The following SNTG1 variants were observed in gnomAD, a reference collection of about 807,000 sequenced individuals.
SNTG1 encodes syntrophin gamma 1, also known as gamma-1-syntrophin.
Under a neutral mutation model 74.7 loss-of-function variants are expected in SNTG1, and 39 were observed. The observed-to-expected ratio is 0.52, with a 90% CI of 0.40 to 0.68. The LOEUF (loss-of-function observed/expected upper bound fraction) is 0.68. Ranked by LOEUF, SNTG1 falls within the 30% of genes least tolerant of loss-of-function variation. The probability of loss-of-function intolerance (pLI) is 0.00; values close to 1 mark genes in which losing one functional copy is unlikely to be tolerated. For missense variants in SNTG1, 685 were observed against 609.5 expected (o/e 1.12, Z -1.30); for synonymous variants, 254 against 217.1 (o/e 1.17, Z -1.49).
chr8:49,954,257 G>T (rs1172867788), intron 1 of SNTG1, among the ~76,000 whole-genome samples: 3 of 152,190 alleles, frequency 2.0e-5, no homozygotes, highest in Non-Finnish European at 4.4e-5. Flanking sequence ...TTGTCTTAAA[G>T]TGTAGTAATT....
At chr8:50,495,177 C>A (rs577482779) in intron 8 of SNTG1, among the ~76,000 whole-genome samples, 1 of 151,918 alleles carries the variant, frequency 6.6e-6, no homozygotes, top group Admixed American at 6.6e-5. Flanking sequence ...TCATTTTAAA[C>A]GACATAAAAT....
chr8:50,135,295 C>T (rs2081436983), intron 1 of SNTG1, among the ~76,000 whole-genome samples: 1 of 152,148 alleles, frequency 6.6e-6, no homozygotes, highest in Non-Finnish European at 1.5e-5. Context: ...AAATCCTGAA[C>T]ATTCTTAACA....
At chr8:50,247,514 T>G (rs1309161169) in intron 2 of SNTG1, among the ~76,000 whole-genome samples, 1 of 152,082 alleles carries the variant, frequency 6.6e-6, no homozygotes, top group Non-Finnish European at 1.5e-5. Context: ...TATGAATAGA[T>G]TAAAAAAATT....
intron 8 of SNTG1, among the ~76,000 whole-genome samples, chr8:50,487,917 G>C (rs1387783000): frequency 1.3e-5 from 2 of 151,910 alleles, no homozygotes; most frequent in Non-Finnish European, 2.9e-5. Context: ...CTTATTCTGT[G>C]TTACCTCATA....
At chr8:50,735,802 C>A (rs141095899) in intron 17 of SNTG1, among the ~76,000 whole-genome samples, 3 of 151,730 alleles carry the variant, frequency 2.0e-5, no homozygotes, top group Non-Finnish European at 4.4e-5. Context: ...AGAAGAGCAC[C>A]ACAAGACACA....
At chr8:50,597,450 C>A (rs1235598979) in intron 13 of SNTG1, among the ~76,000 whole-genome samples, 1 of 149,130 alleles carries the variant, frequency 6.7e-6, no homozygotes, top group Admixed American at 6.7e-5. Flanking sequence ...GTTCTTTATT[C>A]ATTCATCTGT....
chr8:50,008,250 A>G (rs1027741505), intron 1 of SNTG1, among the ~76,000 whole-genome samples: 1 of 152,256 alleles, frequency 6.6e-6, no homozygotes, highest in African/African-American at 2.4e-5. Context: ...AGCTGACATC[A>G]CAAACATTAT....
At chr8:50,109,429 T>A (rs2080498797) in intron 1 of SNTG1, among the ~76,000 whole-genome samples, 1 of 152,114 alleles carries the variant, frequency 6.6e-6, no homozygotes, top group Non-Finnish European at 1.5e-5. Context: ...GTCCAGCACC[T>A]CAATGGAGAG....
chr8:50,668,835 A>G (rs765508607), intron 15 of SNTG1, among the ~76,000 whole-genome samples: 3 of 151,974 alleles, frequency 2.0e-5, no homozygotes, highest in Admixed American at 6.6e-5. Flanking sequence ...GCTATGTAGT[A>G]TTCCATGGTG....
intron 8 of SNTG1, among the ~76,000 whole-genome samples, chr8:50,477,038 A>G (rs969076245): frequency 6.6e-6 from 1 of 152,202 alleles, no homozygotes; most frequent in East Asian, 1.9e-4. Flanking sequence ...TGAAATACAT[A>G]TCTATGAGTC....
chr8:50,128,194 C>A (rs1226562644), intron 1 of SNTG1, among the ~76,000 whole-genome samples: 1 of 152,094 alleles, frequency 6.6e-6, no homozygotes, highest in African/African-American at 2.4e-5. Flanking sequence ...ATCCCAAGAT[C>A]GGTACTTATG....
At chr8:50,429,577 G>C (rs1400163433) in intron 4 of SNTG1, among the ~76,000 whole-genome samples, 1 of 152,076 alleles carries the variant, frequency 6.6e-6, no homozygotes, top group Non-Finnish European at 1.5e-5. Context: ...TTCAGGCAAT[G>C]GTTTTGTAAA....
intron 1 of SNTG1, among the ~76,000 whole-genome samples, chr8:49,970,608 C>A (rs955151561): frequency 2.0e-5 from 3 of 152,116 alleles, no homozygotes; most frequent in Admixed American, 2.0e-4. Flanking sequence ...TTTTATTTGT[C>A]CTCTATTCCA....
At chr8:50,508,001 T>G (rs1005397698) in intron 9 of SNTG1, among the ~76,000 whole-genome samples, 4 of 151,974 alleles carry the variant, frequency 2.6e-5, no homozygotes, top group African/African-American at 9.7e-5. Context: ...ATGTGCCATG[T>G]TGGTATGCTG....
At chr8:50,239,775 A>C (rs930253340) in intron 2 of SNTG1, among the ~76,000 whole-genome samples, 1 of 152,072 alleles carries the variant, frequency 6.6e-6, no homozygotes, top group Non-Finnish European at 1.5e-5. Flanking sequence ...TTAATTATTC[A>C]CTAGGTTTAC....
At chr8:50,058,317 A>G (rs1354302186) in intron 1 of SNTG1, among the ~76,000 whole-genome samples, 3 of 152,154 alleles carry the variant, frequency 2.0e-5, no homozygotes, top group Admixed American at 2.0e-4. Flanking sequence ...GACAGATGAG[A>G]TTGTTTTTAA....
intron 2 of SNTG1, among the ~76,000 whole-genome samples, chr8:50,241,312 A>G (rs1385289483): frequency 1.3e-5 from 2 of 152,226 alleles, no homozygotes; most frequent in Non-Finnish European, 2.9e-5. Flanking sequence ...AGAGAGTGTG[A>G]ATGGCAATGG....
chr8:50,689,987 G>T (rs1418805949), intron 15 of SNTG1, among the ~76,000 whole-genome samples: 1 of 152,186 alleles, frequency 6.6e-6, no homozygotes, highest in East Asian at 1.9e-4. Flanking sequence ...GAGGATGTAT[G>T]TGTCGAGGAA....
chr8:49,938,562 C>CTTTTG (rs1453127560), intron 1 of SNTG1, among the ~76,000 whole-genome samples: 8 of 27,730 alleles, frequency 2.9e-4, no homozygotes, highest in Non-Finnish European at 6.2e-4. Flanking sequence ...CTTTTGTTTT[C>CTTTTG]TTTTCTTTTC....
Sources: allele counts gnomAD v4.1 joint callset (sites outside exome capture counted in the v4.1 genomes callset), GRCh38; gene constraint gnomAD v4.1.1; transcripts MANE v1.5; gene names NCBI Gene and HGNC (gene_info 2026-07-23, HGNC 2026-07-21).